Variants in SEMA3E observed in about 807,000 individuals in gnomAD.
The protein encoded by SEMA3E is semaphorin 3E.
A neutral mutation model predicts 93.6 loss-of-function variants in SEMA3E; 49 were observed. That is an observed-to-expected ratio of 0.52 (90% CI 0.42 to 0.66). The LOEUF is 0.66. Among genes scored for constraint, SEMA3E ranks in the 30% least tolerant of loss-of-function variants. SEMA3E has a pLI of 0.00. For missense variants in SEMA3E, 906 were observed against 964.8 expected (o/e 0.94, Z 0.81); for synonymous variants, 363 against 330.7 (o/e 1.10, Z -1.06).
intron 1 of SEMA3E, among the ~76,000 whole-genome samples, chr7:83,555,665 A>G (rs190872783): frequency 3.3e-5 from 5 of 152,298 alleles, no homozygotes; most frequent in Admixed American, 1.3e-4. Context: ...GAAAAAAGGT[A>G]CCTAGAAATG....
chr7:83,464,250 C>T (rs1185164907), intron 4 of SEMA3E, among the ~76,000 whole-genome samples: 2 of 151,672 alleles, frequency 1.3e-5, no homozygotes, highest in African/African-American at 4.8e-5. Context: ...TTACCACTTT[C>T]CCTTCTCAGA....
intron 1 of SEMA3E, among the ~76,000 whole-genome samples, chr7:83,592,810 G>A (rs1281354171): frequency 6.6e-6 from 1 of 152,128 alleles, no homozygotes; most frequent in Non-Finnish European, 1.5e-5. Flanking sequence ...AAATAGGAGA[G>A]AAAGGTGTCT....
intron 5 of SEMA3E, among the ~76,000 whole-genome samples, chr7:83,410,622 G>T (rs1266080521): frequency 6.6e-6 from 1 of 152,048 alleles, no homozygotes; most frequent in East Asian, 1.9e-4. Context: ...AGTATTTTGA[G>T]ACCAAATGCA....
At chr7:83,378,631 G>C (rs1030180072) in intron 16 of SEMA3E, among the ~76,000 whole-genome samples, 5 of 151,716 alleles carry the variant, frequency 3.3e-5, no homozygotes, top group African/African-American at 1.2e-4. Flanking sequence ...TGGAAACTTG[G>C]TCCTCGTTTT....
intron 16 of SEMA3E, among the ~76,000 whole-genome samples, chr7:83,376,814 T>C (rs192734381): frequency 6.6e-6 from 1 of 152,158 alleles, no homozygotes; most frequent in East Asian, 1.9e-4. Context: ...TTTAAAGTGA[T>C]ACACTTTATT....
rs774091965 is a variant in SEMA3E at position 83,367,431 on chromosome 7, G to T, written c.*155C>A. The T allele has an allele frequency of 4.1e-6, 3 of 738,734 alleles. No individual in the cohort carries two copies. The highest frequency in any genetic ancestry group is 1.8e-5 in the African/African-American group (1 of 56,018). The allele number at this position is 738,734 out of a possible 1,614,324, so 45.8% of individuals were successfully genotyped here. On this transcript the variant is annotated 3_prime_UTR_variant, in exon 17 of 17. Coordinates refer to ENST00000643230, the MANE Select transcript of SEMA3E (RefSeq NM_012431.3). ...TTATGTAAAGTTTATCCAGTCAAAT[G>T]AGTATGTAGAATAATTTATTATAAC...
intron 1 of SEMA3E, among the ~76,000 whole-genome samples, chr7:83,578,350 A>G (rs1386606860): frequency 6.6e-6 from 1 of 152,152 alleles, no homozygotes; most frequent in African/African-American, 2.4e-5. Context: ...TGATATCAGG[A>G]GTTCGAGACC....
At chr7:83,536,560 C>A (rs1279675445) in intron 1 of SEMA3E, among the ~76,000 whole-genome samples, 2 of 151,766 alleles carry the variant, frequency 1.3e-5, no homozygotes, top group African/African-American at 4.8e-5. Flanking sequence ...AAGAATCAAG[C>A]CTACAAACAG....
chr7:83,473,911 T>C (rs933217949), intron 2 of SEMA3E, among the ~76,000 whole-genome samples: 2 of 151,762 alleles, frequency 1.3e-5, no homozygotes, highest in Middle Eastern at 6.8e-3. Flanking sequence ...CTGGCAAACA[T>C]GGTGAAATCT....
chr7:83,495,295 G>C (rs1259569529), intron 1 of SEMA3E, among the ~76,000 whole-genome samples: 1 of 151,648 alleles, frequency 6.6e-6, no homozygotes, highest in Non-Finnish European at 1.5e-5. Flanking sequence ...CATTTTTCCC[G>C]ATAATAACTG....
At chr7:83,539,889 G>GTGTC (rs1364406959) in intron 1 of SEMA3E, among the ~76,000 whole-genome samples, 8 of 151,136 alleles carry the variant, frequency 5.3e-5, no homozygotes, top group Non-Finnish European at 1.0e-4. Context: ...GTGTGTGTGT[G>GTGTC]TGTGTGTTTG....
intron 2 of SEMA3E, among the ~76,000 whole-genome samples, chr7:83,487,796 T>C (rs548518504): frequency 2.0e-4 from 30 of 151,520 alleles, no homozygotes; most frequent in East Asian, 1.9e-4. Flanking sequence ...GAGAACTACA[T>C]AGAAAATAAA....
chr7:83,451,425 A>G (rs1789355950), intron 4 of SEMA3E, among the ~76,000 whole-genome samples: 1 of 152,208 alleles, frequency 6.6e-6, no homozygotes, highest in Non-Finnish European at 1.5e-5. Flanking sequence ...TAGACTTAGA[A>G]TCTTGGAGTT....
At chr7:83,421,488 T>TA (rs1222362716) in intron 4 of SEMA3E, among the ~76,000 whole-genome samples, 2 of 123,130 alleles carry the variant, frequency 1.6e-5, no homozygotes, top group Admixed American at 1.7e-4. Flanking sequence ...GTGGTGTGGG[T>TA]AAAAAAAGTA....
At chr7:83,434,557 A>T (rs2115757899) in intron 4 of SEMA3E, among the ~76,000 whole-genome samples, 1 of 152,272 alleles carries the variant, frequency 6.6e-6, no homozygotes, top group East Asian at 1.9e-4. Context: ...CTTGCTCTAA[A>T]AAATTAAACT....
chr7:83,472,185 C>T (rs1166982015), intron 2 of SEMA3E, among the ~76,000 whole-genome samples: 3 of 152,104 alleles, frequency 2.0e-5, no homozygotes, highest in African/African-American at 4.8e-5. Flanking sequence ...TACTGCTCTC[C>T]GAAATGGCTA....
chr7:83,560,544 T>C (rs74881347), intron 1 of SEMA3E, among the ~76,000 whole-genome samples: 23 of 152,180 alleles, frequency 1.5e-4, no homozygotes, highest in Non-Finnish European at 2.9e-4. Context: ...TGGATAGATA[T>C]GTTTTGCATC....
At chr7:83,621,976 C>A (rs1024084000) in intron 1 of SEMA3E, among the ~76,000 whole-genome samples, 1 of 152,046 alleles carries the variant, frequency 6.6e-6, no homozygotes, top group Non-Finnish European at 1.5e-5. Flanking sequence ...GCAACAAATG[C>A]AAATCTTGAT....
chr7:83,483,280 G>A (rs1790186446), intron 2 of SEMA3E, among the ~76,000 whole-genome samples: 1 of 152,092 alleles, frequency 6.6e-6, no homozygotes, highest in Non-Finnish European at 1.5e-5. Context: ...CTTTAGAGTT[G>A]TTGCAATTAT....
Sources: allele counts gnomAD v4.1 joint callset (sites outside exome capture counted in the v4.1 genomes callset), GRCh38; gene constraint gnomAD v4.1.1; transcripts MANE v1.5; gene names NCBI Gene and HGNC (gene_info 2026-07-23, HGNC 2026-07-21).